Variants in NLGN4X observed in about 807,000 individuals in gnomAD.
NLGN4X encodes the protein neuroligin-4, X-linked.
In NLGN4X, 3 loss-of-function variants were observed where a neutral mutation model predicts 40.3. The observed-to-expected ratio is 0.07, with a 90% CI of 0.03 to 0.19. The LOEUF (loss-of-function observed/expected upper bound fraction) is 0.19. NLGN4X is among the 10% of genes least tolerant of loss of function. The pLI, the probability that NLGN4X is intolerant of heterozygous loss-of-function variation, is 1.00. For synonymous variants in NLGN4X, 270 were observed against 306.8 expected, an observed-to-expected ratio of 0.88 and a Z score of 1.25; for missense variants, 382 against 708.3, an observed-to-expected ratio of 0.54 and a Z score of 5.23.
chrX:5,908,522 C>CAA lies in NLGN4X; in HGVS notation c.811+530_811+531dup, dbSNP rs756773892. On this transcript the variant is annotated intron_variant, in intron 4 of 5. Coordinates refer to ENST00000381095, the MANE Select transcript of NLGN4X (RefSeq NM_181332.3). ...AAATAGTCAAATACAGTCAGAATGGCAAAAAAAAACAAAAGTGTCAGGACT... is the reference window on the plus strand; with the variant it reads ...AAATAGTCAAATACAGTCAGAATGGCAAAAAAAAAAACAAAAGTGTCAGGACT... 3.7e-3 allele frequency among the ~76,000 whole-genome samples: 391 copies of CAA among 104,978 alleles called. 1 individual carries two copies. Among genetic ancestry groups the CAA allele is most frequent in the African/African-American group, 0.012 (339 of 28,929 alleles). 91.2% of individuals were successfully genotyped at this position (104,978 alleles called of 115,157 possible).
chrX:5,964,458 T>A (rs559238109), intron 3 of NLGN4X, among the ~76,000 whole-genome samples: 17 of 112,055 alleles, frequency 1.5e-4, no homozygotes, highest in African/African-American at 5.5e-4. Flanking sequence ...AATTTGAAAA[T>A]TAATGCCCTC....
chrX:6,226,276 C>A (rs1333221060), intron 1 of NLGN4X, among the ~76,000 whole-genome samples: 2 of 108,882 alleles, frequency 1.8e-5, no homozygotes, highest in Non-Finnish European at 1.9e-5. Flanking sequence ...CTGACACCTG[C>A]CGTAGGTTCA....
At chrX:6,076,652 T>C (rs1394190699) in intron 2 of NLGN4X, among the ~76,000 whole-genome samples, 3 of 112,336 alleles carry the variant, frequency 2.7e-5, no homozygotes, top group African/African-American at 9.7e-5. Flanking sequence ...TTCACTAACT[T>C]ATAAATGAAT....
intron 2 of NLGN4X, among the ~76,000 whole-genome samples, chrX:6,047,264 G>A (rs887933102): frequency 9.0e-6 from 1 of 110,903 alleles, no homozygotes; most frequent in African/African-American, 3.3e-5. Flanking sequence ...GATCACTTGA[G>A]CCCCGGAGTT....
intron 2 of NLGN4X, among the ~76,000 whole-genome samples, chrX:6,149,346 A>C (rs2040116699): frequency 9.0e-6 from 1 of 110,965 alleles, no homozygotes; most frequent in Admixed American, 9.6e-5. Context: ...AAATCACCAG[A>C]CTCTAGCACA....
At chrX:6,055,028 A>G (rs1256993336) in intron 2 of NLGN4X, among the ~76,000 whole-genome samples, 4 of 112,134 alleles carry the variant, frequency 3.6e-5, no homozygotes, top group Non-Finnish European at 5.6e-5. Flanking sequence ...CTGTTCCTCT[A>G]CAGACTACTG....
chrX:5,924,264 AG>A (rs1026280186), intron 3 of NLGN4X, among the ~76,000 whole-genome samples: 1 of 110,913 alleles, frequency 9.0e-6, no homozygotes, highest in African/African-American at 3.3e-5. Flanking sequence ...GACAATGTTC[AG>A]TTTCCAAGAA....
chrX:5,989,380 T>C (rs372735227), intron 3 of NLGN4X, among the ~76,000 whole-genome samples: 1 of 112,323 alleles, frequency 8.9e-6, no homozygotes. Context: ...AAGTGACTAA[T>C]TTGAATATAA....
intron 3 of NLGN4X, among the ~76,000 whole-genome samples, chrX:5,967,663 T>C (rs1237605890): frequency 8.9e-6 from 1 of 111,760 alleles, no homozygotes; most frequent in Non-Finnish European, 1.9e-5. Context: ...GTTATTTTTT[T>C]AATTTGCATC....
At chrX:6,015,439 T>A (rs1479192652) in intron 3 of NLGN4X, among the ~76,000 whole-genome samples, 3 of 111,598 alleles carry the variant, frequency 2.7e-5, no homozygotes, top group Non-Finnish European at 3.8e-5. Context: ...TTACTAGTAT[T>A]TTTTTAAATC....
At chrX:5,917,419 C>T (rs750365878) in intron 3 of NLGN4X, among the ~76,000 whole-genome samples, 2 of 112,708 alleles carry the variant, frequency 1.8e-5, no homozygotes, top group African/African-American at 3.2e-5. Context: ...TGTTACAGAA[C>T]GTATCACTTT....
intron 5 of NLGN4X, among the ~76,000 whole-genome samples, chrX:5,899,275 G>A (rs1032377953): frequency 8.9e-6 from 1 of 111,813 alleles, no homozygotes; most frequent in Admixed American, 9.4e-5. Context: ...GGCTTCAGAC[G>A]GACTGACATT....
intron 1 of NLGN4X, among the ~76,000 whole-genome samples, chrX:6,159,182 G>A (rs1324949008): frequency 1.8e-5 from 2 of 111,495 alleles, no homozygotes; most frequent in Non-Finnish European, 3.8e-5. Flanking sequence ...TCAGAGCTAT[G>A]TTTGTCCTGA....
At chrX:6,103,151 C>T (rs1186111780) in intron 2 of NLGN4X, among the ~76,000 whole-genome samples, 3 of 111,931 alleles carry the variant, frequency 2.7e-5, no homozygotes. Flanking sequence ...AGAGTAGATA[C>T]TAATTGAGAT....
intron 2 of NLGN4X, among the ~76,000 whole-genome samples, chrX:6,103,282 T>G (rs1364320450): frequency 8.9e-6 from 1 of 111,744 alleles, no homozygotes; most frequent in Admixed American, 9.5e-5. Context: ...CTAGACAAAC[T>G]CACTCATGTG....
chrX:5,941,437 G>T (rs927995631), intron 3 of NLGN4X, among the ~76,000 whole-genome samples: 1 of 111,375 alleles, frequency 9.0e-6, no homozygotes, highest in Non-Finnish European at 1.9e-5. Flanking sequence ...TTTGAATAAA[G>T]TAAGTTGGGA....
intron 2 of NLGN4X, among the ~76,000 whole-genome samples, chrX:6,134,717 T>C (rs770978583): frequency 4.4e-5 from 5 of 112,551 alleles, no homozygotes; most frequent in Middle Eastern, 4.6e-3. Context: ...TAAGGATATT[T>C]AGTGGTGCCT....
Position 5,893,785 on chromosome X carries a change from C to T in NLGN4X, c.1602-119G>A. The stretch of plus-strand genomic sequence containing the variant: ...CTCTTCATATATATTTATCAATGAG[C>T]ACAAAATACCCAAGCAGCAAAGGTA... On this transcript the variant is annotated intron_variant, in intron 5 of 5. Transcript: ENST00000381095. 4 of 738,492 alleles carry T rather than the reference C, an allele frequency of 5.4e-6. No individual in the cohort carries two copies. In the South Asian group the frequency reaches 1.1e-4, roughly 20 times the overall value. The allele number at this position is 738,492 out of a possible 1,213,427, so 60.9% of individuals were successfully genotyped here.
At chrX:6,079,266 A>G (rs2038286139) in intron 2 of NLGN4X, among the ~76,000 whole-genome samples, 1 of 112,073 alleles carries the variant, frequency 8.9e-6, no homozygotes, top group Non-Finnish European at 1.9e-5. Context: ...GACTTGCATT[A>G]AAGACTACCA....
Sources: allele counts gnomAD v4.1 joint callset (sites outside exome capture counted in the v4.1 genomes callset), GRCh38; gene constraint gnomAD v4.1.1; transcripts MANE v1.5; gene names NCBI Gene and HGNC (gene_info 2026-07-23, HGNC 2026-07-21).